Variants in KDM6B observed in about 807,000 individuals in gnomAD.
KDM6B encodes the protein lysine demethylase 6B.
A neutral mutation model predicts 150.4 loss-of-function variants in KDM6B; 22 were observed. The observed-to-expected ratio is 0.15, with a 90% CI of 0.10 to 0.21. KDM6B has a LOEUF of 0.21. KDM6B is among the 10% of genes least tolerant of loss of function. The pLI is 1.00. For missense variants in KDM6B, 1,984 were observed against 2,234.3 expected, an observed-to-expected ratio of 0.89 and a Z score of 2.26; for synonymous variants, 1,148 against 921.1, an observed-to-expected ratio of 1.25 and a Z score of -4.46.
chr17:7,847,801 T>A lies in KDM6B; in HGVS notation c.1513T>A (p.Phe505Ile), dbSNP rs200853707. The change falls in exon 12 of 24, where the codon TTC becomes ATC. Residue 505 changes from phenylalanine to isoleucine, a missense_variant. Transcript: ENST00000448097. ...REDGEILEEL[F>I]FGTEGPPRPA... ...GGATGGAGAGATCTTAGAAGAGCTCTTCTTTGGGACTGAGGGACCCCCCCG... is the reference window on the plus strand; with the variant it reads ...GGATGGAGAGATCTTAGAAGAGCTCATCTTTGGGACTGAGGGACCCCCCCG... The A allele has an allele frequency of 4.5e-6, 7 of 1,547,490 alleles. No homozygotes were observed. The East Asian group carries it at 1.7e-4, about 37-fold the overall frequency.
In KDM6B at chr17:7,849,315, C is replaced by T. The variant is rs1343534955; in HGVS notation, c.3027C>T (p.Val1009=). ...REGRAKAKAK[V]PKEKSRRVLG... Reference sequence around the variant, plus strand: ...GCAGGGCAAAGGCCAAGGCCAAGGTCCCCAAAGAAAAGAGCCGCCGGGTGC... The same window carrying T: ...GCAGGGCAAAGGCCAAGGCCAAGGTTCCCAAAGAAAAGAGCCGCCGGGTGC... The change falls in exon 12 of 24, where the codon GTC becomes GTT. Residue 1009 remains valine (V), a synonymous_variant. Transcript: ENST00000448097. 1 of 1,563,916 alleles carries T rather than the reference C, an allele frequency of 6.4e-7. No individual in the cohort carries two copies. The highest frequency in any genetic ancestry group is 8.7e-7 in the Non-Finnish European group (1 of 1,154,338).
At chr17:7,842,211 G>T (rs1386548444) in intron 2 of KDM6B, among the ~76,000 whole-genome samples, 2 of 151,942 alleles carry the variant, frequency 1.3e-5, no homozygotes, top group Non-Finnish European at 2.9e-5. Context: ...CTCTCTTGGG[G>T]CTCCAGCGGG....
intron 1 of KDM6B, among the ~76,000 whole-genome samples, chr17:7,838,133 C>A (rs1181943058): frequency 7.5e-6 from 1 of 133,632 alleles, no homozygotes; most frequent in Non-Finnish European, 1.6e-5. Flanking sequence ...TGGAGCCTTT[C>A]GTTTTGCAGA....
At chr17:7,850,887 C>T (rs571926100) in intron 14 of KDM6B, 134 bp from the exon 15 acceptor site, 2 of 817,150 alleles carry the variant, frequency 2.4e-6, no homozygotes, top group South Asian at 1.5e-5. Context: ...CTGCCTATTT[C>T]TTCTGGGCTG....
intron 14 of KDM6B, 65 bp from the exon 15 acceptor site, chr17:7,850,956 C>T: frequency 1.4e-6 from 2 of 1,403,226 alleles, no homozygotes; most frequent in Non-Finnish European, 2.0e-6. Flanking sequence ...GGGAAAGGGT[C>T]GATTGGGTCC....
chr17:7,836,123 GC>G (rs1386077916), intron 1 of KDM6B, among the ~76,000 whole-genome samples: 1 of 152,220 alleles, frequency 6.6e-6, no homozygotes, highest in African/African-American at 2.4e-5. Context: ...TCCCGCCCGG[GC>G]CCAGCTGCTG....
At chr17:7,837,702 G>A (rs1410727861) in intron 1 of KDM6B, among the ~76,000 whole-genome samples, 1 of 152,110 alleles carries the variant, frequency 6.6e-6, no homozygotes, top group African/African-American at 2.4e-5. Context: ...GCCGCTGGGA[G>A]GAAAAAAATG....
In KDM6B at chr17:7,845,035, C is replaced by CATTAACAAA; in HGVS notation, c.-149+15_-149+16insATTAACAAA. 5.3e-6 allele frequency: 1 copy of CATTAACAAA among 189,854 alleles called. No individual in the cohort carries two copies. The highest frequency in any genetic ancestry group is 1.1e-5 in the Non-Finnish European group (1 of 88,718). 11.8% of individuals were successfully genotyped at this position (189,854 alleles called of 1,614,324 possible). A position where few individuals can be genotyped will look rare whatever the true frequency, so the allele number is the denominator to read the frequency against. On this transcript the variant is annotated intron_variant, in intron 3 of 23. Transcript: ENST00000448097. ...ACGGAGGCCGGGTAAGCGGCCGCTG[C>CATTAACAAA]GTTTTGGGTCGGCCCAGTGGCTCCG...
Position 7,847,478 on chromosome 17 carries a change from G to A in KDM6B, c.1257+26G>A, listed in dbSNP as rs1164699731. 9 of 1,613,416 alleles carry A rather than the reference G, an allele frequency of 5.6e-6. No homozygotes were observed. The South Asian group carries it at 7.7e-5, about 14-fold the overall frequency. ...GTGAGTGACAACTGAGGGTGGAGGGGGGGATGGGTGGAGCTTGTCTTGAGG... is the reference window on the plus strand; with the variant it reads ...GTGAGTGACAACTGAGGGTGGAGGGAGGGATGGGTGGAGCTTGTCTTGAGG... On this transcript the variant is annotated intron_variant, in intron 11 of 23. Transcript: ENST00000448097.
intron 2 of KDM6B, among the ~76,000 whole-genome samples, chr17:7,842,944 AGT>A (rs1291029709): frequency 1.3e-5 from 2 of 152,090 alleles, no homozygotes; most frequent in South Asian, 2.1e-4. Flanking sequence ...GGCGAGAATG[AGT>A]GTGTGTTTAG....
chr17:7,847,991 C>T lies in KDM6B; in HGVS notation c.1703C>T (p.Pro568Leu). The change falls in exon 12 of 24, where the codon CCT becomes CTT. Residue 568 changes from proline (P) to leucine (L), a missense_variant. Pro to Leu is a moderately conservative substitution (Grantham distance 98). Coordinates refer to ENST00000448097, the MANE Select transcript of KDM6B (RefSeq NM_001348716.2). ...SGSHSSSPAG[P>L]VSFPPPPYLA... ...AGCCACAGCAGCAGCCCTGCTGGGC[C>T]TGTGTCCTTTCCCCCACCACCCTAT... 6.2e-7 allele frequency: 1 copy of T among 1,612,756 alleles called. No homozygotes were observed. Among genetic ancestry groups the T allele is most frequent in the Non-Finnish European group, 8.5e-7 (1 of 1,179,634 alleles).
intron 19 of KDM6B, 38 bp from the exon 20 acceptor site, chr17:7,852,111 G>T: frequency 1.9e-6 from 3 of 1,613,806 alleles, no homozygotes; most frequent in African/African-American, 1.3e-5. Context: ...CCCCGCCCTC[G>T]GTCCCCAGTT....
At chr17:7,839,027 T>C (rs1226327643) in intron 1 of KDM6B, among the ~76,000 whole-genome samples, 1 of 151,896 alleles carries the variant, frequency 6.6e-6, no homozygotes, top group Non-Finnish European at 1.5e-5. Context: ...CTAGGGAATA[T>C]AGAGATTAGA....
Position 7,853,494 on chromosome 17 carries a change from C to T in KDM6B, c.4909-4C>T. ...CTGAGCCCCCGCCGGCTTTCTCCCC[C>T]CAGGCCCCAGCCAGCACGTCGCGAT... is the stretch of plus-strand genomic sequence containing the variant. On this transcript the variant is annotated splice_region_variant and splice_polypyrimidine_tract_variant and intron_variant, in intron 23 of 23. Coordinates refer to ENST00000448097, the MANE Select transcript of KDM6B (RefSeq NM_001348716.2). The T allele has an allele frequency of 2.0e-6, 3 of 1,508,458 alleles. No homozygotes were observed. Among genetic ancestry groups the T allele is most frequent in the Non-Finnish European group, 2.6e-6 (3 of 1,135,380 alleles). The allele number at this position is 1,508,458 out of a possible 1,614,324, so 93.4% of individuals were successfully genotyped here.
In KDM6B at chr17:7,851,709, G is replaced by C. The variant is rs1368547959; in HGVS notation, c.4078G>C (p.Gly1360Arg). The C allele has an allele frequency of 1.9e-6, 3 of 1,564,708 alleles. No homozygotes were observed. The Admixed American group carries it at 5.7e-5, about 30-fold the overall frequency. Residue 1360 changes from glycine to arginine, a missense_variant, in exon 18 of 24, where the codon GGC (glycine) becomes CGC (arginine). Transcript: ENST00000448097. ...LPAFMRVTSTGNMLSHVGHTI... is the reference protein window; with the variant it reads ...LPAFMRVTSTRNMLSHVGHTI... ...CGCCTTCATGCGGGTAACATCCACGGGCAACATGCTGAGCCACGTGGGCCA... is the reference window on the plus strand; with the variant it reads ...CGCCTTCATGCGGGTAACATCCACGCGCAACATGCTGAGCCACGTGGGCCA...
At chr17:7,834,628 C>CCGGGG (rs1165521878) in intron 1 of KDM6B, among the ~76,000 whole-genome samples, 2 of 134,308 alleles carry the variant, frequency 1.5e-5, no homozygotes, top group Non-Finnish European at 3.4e-5. Flanking sequence ...CTTCCCGACT[C>CCGGGG]CAGGGCGGGG....
rs2078494715 is a variant in KDM6B, at chr17:7,844,723, T to C, written c.-268-178T>C. Among the ~76,000 whole-genome samples the C allele has an allele frequency of 6.6e-6, 1 of 152,158 alleles. No homozygotes were observed. The highest frequency in any genetic ancestry group is 2.4e-5 in the African/African-American group (1 of 41,430). Reference sequence around the variant, plus strand: ...ACCGGCCTCATCCGCATGCGTCTTGTCCTGGCTGCCTTCTGGCCCTGACGG... The same window carrying C: ...ACCGGCCTCATCCGCATGCGTCTTGCCCTGGCTGCCTTCTGGCCCTGACGG... On this transcript the variant is annotated intron_variant, in intron 2 of 23. Coordinates refer to ENST00000448097, the MANE Select transcript of KDM6B (RefSeq NM_001348716.2). The surrounding 1 kb of genome is among the most constrained non-coding windows in gnomAD (Gnocchi z 5.9).
rs1257302687 is a variant in KDM6B, at chr17:7,852,069, C to T, written c.4280+4C>T. On this transcript the variant is annotated splice_donor_region_variant and intron_variant, in intron 19 of 23. Transcript: ENST00000448097. ...CCATCAGCGCTTTCTGTGATCGGTG[C>T]GTGCCGTCCTGCGCAAGTCAGACTG... The T allele has an allele frequency of 6.2e-7, 1 of 1,613,588 alleles. No individual in the cohort carries two copies. The highest frequency in any genetic ancestry group is 8.5e-7 in the Non-Finnish European group (1 of 1,179,786).
In KDM6B at chr17:7,848,228, G is replaced by T; in HGVS notation, c.1940G>T (p.Gly647Val). Reference sequence around the variant, plus strand: ...GAGGTGGGGCCGGGGCCACCCCCAGGCCCCCTGAGTAAAGCCCCCCAGCCT... The same window carrying T: ...GAGGTGGGGCCGGGGCCACCCCCAGTCCCCCTGAGTAAAGCCCCCCAGCCT... ...TPEVGPGPPPGPLSKAPQPVP... is the reference protein window; with the variant it reads ...TPEVGPGPPPVPLSKAPQPVP... The change falls in exon 12 of 24, where the codon GGC becomes GTC. Residue 647 changes from glycine (G) to valine (V), a missense_variant. Transcript: ENST00000448097. The T allele has an allele frequency of 6.2e-7, 1 of 1,610,712 alleles. No individual in the cohort carries two copies. The highest frequency in any genetic ancestry group is 8.5e-7 in the Non-Finnish European group (1 of 1,178,542).
Sources: allele counts gnomAD v4.1 joint callset (sites outside exome capture counted in the v4.1 genomes callset), GRCh38; gene constraint gnomAD v4.1.1; non-coding constraint Gnocchi (gnomAD v3.1); transcripts MANE v1.5; gene names NCBI Gene and HGNC (gene_info 2026-07-23, HGNC 2026-07-21).